Variants in RBMX observed in about 807,000 individuals in gnomAD.
The protein encoded by RBMX is RNA binding motif protein X-linked, also known as RNA-binding motif protein, X chromosome.
Under a neutral mutation model 29.3 loss-of-function variants are expected in RBMX, and 1 was observed. The ratio of observed to expected loss-of-function variants is 0.03; its 90% confidence interval spans 0.01 to 0.16. RBMX has a LOEUF of 0.16. Ranked by LOEUF, RBMX falls within the 10% of genes least tolerant of loss-of-function variation. The pLI is 1.00. For synonymous variants in RBMX, 102 were observed against 102.3 expected (o/e 1.00, Z 0.02); for missense variants, 121 against 333.2 (o/e 0.36, Z 4.96).
chrX:136,876,650 C>T lies in RBMX; in HGVS notation c.394G>A (p.Gly132Ser), dbSNP rs755202665. 6.8e-6 allele frequency: 8 copies of T among 1,173,937 alleles called. No individual in the cohort carries two copies. Among genetic ancestry groups the T allele is most frequent in the East Asian group, 6.0e-5 (2 of 33,205 alleles). The change falls in exon 5 of 9, where the codon GGT (glycine) becomes AGT (serine). Residue 132 changes from glycine (G) to serine (S), a missense_variant. Gly to Ser is a moderately conservative substitution (Grantham distance 56). Transcript: ENST00000320676. ...ATGTTAAAATTCATGGAATATCCAC[C>T]GTCATCTGCATCAAAAATAGAAAAG... The part of the protein sequence containing the change: ...PPSRGGHMDD[G>S]GYSMNFNMSS...
chrX:136,876,392 G>T, intron 5 of RBMX, 111 bp downstream of exon 5: 1 of 893,600 alleles, frequency 1.1e-6, no homozygotes, highest in African/African-American at 2.0e-5. Flanking sequence ...AAAGTGCTAG[G>T]ATTACGGGCG....
downstream of RBMX, chrX:136,872,791 G>A (rs2077692631): frequency 8.8e-6 from 1 of 114,124 alleles, no homozygotes; most frequent in African/African-American, 3.3e-5. Context: ...TAGTTTCATA[G>A]AACTAAAAAC....
rs1603366002 is a variant in RBMX, at chrX:136,873,649, C to T, written c.*493G>A. On this transcript the variant is annotated 3_prime_UTR_variant, in exon 9 of 9. Transcript: ENST00000320676. ...GTGAATAGCACTTTCCTTACATAGG[C>T]ATGTGATTTCAGGTTTTTCGTACTG... 2 of 753,616 alleles carry T rather than the reference C, an allele frequency of 2.7e-6. No individual in the cohort carries two copies. The highest frequency in any genetic ancestry group is 4.6e-5 in the African/African-American group (2 of 43,711). The allele number at this position is 753,616 out of a possible 1,213,427, so 62.1% of individuals were successfully genotyped here.
rs550050566 is a variant in RBMX, at chrX:136,880,268, T to A, written c.-27+329A>T. ...ATGAATACGAAGCCCGCAGCCCGCA[T>A]GGAAGTCCACATGCCCATCATTAGC... On this transcript the variant is annotated intron_variant, in intron 1 of 8. Transcript: ENST00000320676. Among the ~76,000 whole-genome samples, 128 of 112,098 alleles carry A rather than the reference T, an allele frequency of 1.1e-3. 1 individual carries two copies. The highest frequency in any genetic ancestry group is 2.1e-3 in the Non-Finnish European group (111 of 53,195).
chrX:136,871,808 G>A (rs1022135890), downstream of RBMX, among the ~76,000 whole-genome samples: 4 of 89,024 alleles, frequency 4.5e-5, no homozygotes, highest in Non-Finnish European at 9.5e-5. Context: ...CACCACGCCC[G>A]GTGTTTTTTT....
chrX:136,872,746 A>G, downstream of RBMX: 1 of 139,531 alleles, frequency 7.2e-6, no homozygotes, highest in Non-Finnish European at 1.4e-5. Flanking sequence ...TTTGCTTTTT[A>G]AAGACCACTT....
downstream of RBMX, chrX:136,869,459 A>G (rs182914331): frequency 1.8e-5 from 2 of 111,887 alleles, no homozygotes; most frequent in African/African-American, 6.5e-5. Context: ...TATATCCTAT[A>G]CTATCTTCAA....
downstream of RBMX, chrX:136,869,825 T>C (rs1225911705): frequency 8.9e-6 from 1 of 111,991 alleles, no homozygotes; most frequent in Non-Finnish European, 1.9e-5. Context: ...TCCAAACCAA[T>C]AAAAAACTAA....
downstream of RBMX, among the ~76,000 whole-genome samples, chrX:136,871,931 G>A (rs891928129): frequency 2.7e-5 from 3 of 109,720 alleles, no homozygotes; most frequent in Non-Finnish European, 3.8e-5. Flanking sequence ...GGGATTAAAG[G>A]CACGAGCCAT....
chrX:136,877,452 C>CTT (rs551259279), intron 4 of RBMX, among the ~76,000 whole-genome samples: 1,162 of 85,843 alleles, frequency 0.014, 29 homozygotes, highest in African/African-American at 0.047. Context: ...TCTTAAAAAA[C>CTT]TTTTTTTTTT....
chrX:136,878,900 C>G, intron 3 of RBMX, 117 bp downstream of exon 3: 2 of 895,658 alleles, frequency 2.2e-6, no homozygotes, highest in Non-Finnish European at 1.5e-6. Flanking sequence ...GGATCCCAGA[C>G]AGGTATATAC....
chrX:136,879,897 T>C (rs2077780609), intron 1 of RBMX, among the ~76,000 whole-genome samples: 1 of 111,590 alleles, frequency 9.0e-6, no homozygotes, highest in Non-Finnish European at 1.9e-5. Context: ...TCATTAGGAT[T>C]CCCTACTAAA....
downstream of RBMX, among the ~76,000 whole-genome samples, chrX:136,870,606 A>G (rs893563601): frequency 9.1e-5 from 10 of 110,326 alleles, no homozygotes; most frequent in African/African-American, 2.6e-4. Context: ...CGAGACAGGC[A>G]GATCACTCAA....
At chrX:136,872,885 A>G (rs1175417911), downstream of RBMX, 2 of 111,302 alleles carry the variant, frequency 1.8e-5, no homozygotes, top group Non-Finnish European at 3.8e-5. Context: ...CATTTCCTAT[A>G]TTGACTAAAA....
Position 136,875,574 on chromosome X carries a change from G to C in RBMX, c.553C>G (p.Arg185Gly). 8.3e-7 allele frequency: 1 copy of C among 1,207,009 alleles called. No homozygotes were observed. Among genetic ancestry groups the C allele is most frequent in the Non-Finnish European group, 1.1e-6 (1 of 894,462 alleles). ...SGMGGRAPVSRGRDSYGGPPR... is the reference protein window; with the variant it reads ...SGMGGRAPVSGGRDSYGGPPR... ...GGACCTCCATAACTATCTCTTCCACGTGATACAGGAGCTTAAGGAAAAATA... is the reference window on the plus strand; with the variant it reads ...GGACCTCCATAACTATCTCTTCCACCTGATACAGGAGCTTAAGGAAAAATA... The change falls in exon 6 of 9, where the codon CGT becomes GGT. Residue 185 changes from arginine to glycine, a missense_variant. Transcript: ENST00000320676.
chrX:136,879,182 G>C, intron 2 of RBMX, 59 bp from the exon 3 acceptor site: 1 of 1,207,381 alleles, frequency 8.3e-7, no homozygotes, highest in Non-Finnish European at 1.1e-6. Context: ...AATAACCAAA[G>C]TAAATGTGTA....
At position 136,879,007 on chromosome X, in the gene RBMX, A is replaced by G; in HGVS notation, c.216+10T>C. The G allele has an allele frequency of 4.1e-6, 5 of 1,209,381 alleles. 1 individual carries two copies. Among genetic ancestry groups the G allele is most frequent in the Middle Eastern group, 3.2e-4 (1 of 3,162 alleles). On this transcript the variant is annotated intron_variant, in intron 3 of 8. Coordinates refer to ENST00000320676, the MANE Select transcript of RBMX (RefSeq NM_002139.4). ...TAACAGGTTATCATCCATCGTGTAG[A>G]CAATCTCACCTTTCCATTCATGTCT...
At chrX:136,880,373 G>C (rs1038563863) in intron 1 of RBMX, among the ~76,000 whole-genome samples, 2 of 112,056 alleles carry the variant, frequency 1.8e-5, no homozygotes, top group African/African-American at 6.5e-5. Context: ...CCCGACCTCC[G>C]CTACCAACTC....
chrX:136,876,770 T>C, intron 4 of RBMX, 115 bp from the exon 5 acceptor site: 24 of 557,437 alleles, frequency 4.3e-5, no homozygotes, highest in South Asian at 8.6e-5. Context: ...TGCAGTGGCT[T>C]CATCTCGGCT....
Sources: allele counts gnomAD v4.1 joint callset (sites outside exome capture counted in the v4.1 genomes callset), GRCh38; gene constraint gnomAD v4.1.1; transcripts MANE v1.5; gene names NCBI Gene and HGNC (gene_info 2026-07-23, HGNC 2026-07-21).